The following ABCA12 variants were observed in gnomAD, a reference collection of about 807,000 sequenced individuals.
The protein encoded by ABCA12 is ATP binding cassette subfamily A member 12, also known as glucosylceramide transporter ABCA12.
A neutral mutation model predicts 293.5 loss-of-function variants in ABCA12; 156 were observed. The ratio of observed to expected loss-of-function variants is 0.53; its 90% CI spans 0.47 to 0.61. The LOEUF (loss-of-function observed/expected upper bound fraction) is 0.61. Ranked by LOEUF, ABCA12 falls within the 20% of genes least tolerant of loss-of-function variation. ABCA12 has a pLI of 0.00. For synonymous variants in ABCA12, 1,063 were observed against 1,108.0 expected (o/e 0.96, Z 0.81); for missense variants, 2,797 against 3,090.2 (o/e 0.91, Z 2.25).
chr2:215,033,528 T>C (rs1266810993), intron 8 of ABCA12, among the ~76,000 whole-genome samples: 2 of 152,214 alleles, frequency 1.3e-5, no homozygotes, highest in Non-Finnish European at 2.9e-5. Context: ...CACTAAGGAC[T>C]ATAAAGTATA....
intron 48 of ABCA12, 120 bp from the exon 49 acceptor site, chr2:214,945,224 A>T: frequency 1.2e-6 from 1 of 802,254 alleles, no homozygotes; most frequent in Non-Finnish European, 2.1e-6. Flanking sequence ...CCTGTGACTA[A>T]CTTGTTTTAT....
chr2:215,038,349 A>C (rs1701031306), intron 7 of ABCA12, among the ~76,000 whole-genome samples: 1 of 152,202 alleles, frequency 6.6e-6, no homozygotes, highest in South Asian at 2.1e-4. Flanking sequence ...GTTAATAATA[A>C]GTACAGCTGG....
In ABCA12 at chr2:214,987,760, G is replaced by A. The variant is rs1423599488; in HGVS notation, c.3863C>T (p.Pro1288Leu). ...TYGMAAPWYF[P>L]ILPSYWKERF... ...CTCCTTCCAATAGGAAGGAAGAATT[G>A]GAAAATACCAGGGAGCTGCCATACC... The change falls in exon 27 of 53, where the codon CCA (proline) becomes CTA (leucine). Residue 1288 changes from proline to leucine, a missense_variant. By Grantham distance (98) the Pro-to-Leu change is moderately conservative. Transcript: ENST00000272895. 1.2e-6 allele frequency: 2 copies of A among 1,613,666 alleles called. No homozygotes were observed. The highest frequency in any genetic ancestry group is 2.2e-5 in the East Asian group (1 of 44,854).
chr2:214,989,431 C>A lies in ABCA12; in HGVS notation c.3727G>T (p.Val1243Phe), dbSNP rs774480561. ...LQWENMYTSP[V>F]QDDTTSFGWL... ...CCAAATGAGGTGGTGTCATCCTGAA[C>A]CGGGGAGGTGTACATATTTTCCCAC... is the stretch of plus-strand genomic sequence containing the variant. Residue 1243 changes from valine (V) to phenylalanine (F), a missense_variant, in exon 26 of 53, where the codon GTT (valine) becomes TTT (phenylalanine). This residue lies in a region of ABCA12 where 2,130 missense variants were observed against 2,427.0 expected (regional missense o/e 0.88). Transcript: ENST00000272895. 6.2e-7 allele frequency: 1 copy of A among 1,613,320 alleles called. No individual in the cohort carries two copies. The highest frequency in any genetic ancestry group is 1.1e-5 in the South Asian group (1 of 91,050).
chr2:214,977,447 C>A (rs1645649011), intron 33 of ABCA12, among the ~76,000 whole-genome samples: 2 of 152,276 alleles, frequency 1.3e-5, no homozygotes, highest in East Asian at 1.9e-4. Context: ...CAGAGATTAT[C>A]TTTCCTGACT....
intron 1 of ABCA12, among the ~76,000 whole-genome samples, chr2:215,111,918 T>A (rs891315017): frequency 6.6e-6 from 1 of 152,160 alleles, no homozygotes; most frequent in African/African-American, 2.4e-5. Context: ...GAAATAACCT[T>A]CTGAAGATTT....
Position 214,945,113 on chromosome 2 carries a change from A to G in ABCA12, c.7240-9T>C. 1 of 1,608,804 alleles carries G rather than the reference A, an allele frequency of 6.2e-7. No individual in the cohort carries two copies. The highest frequency in any genetic ancestry group is 8.5e-7 in the Non-Finnish European group (1 of 1,176,150). On this transcript the variant is annotated splice_polypyrimidine_tract_variant and intron_variant, in intron 48 of 52. Transcript: ENST00000272895. ...CCAGAGCTCGGCTCATCCTTAATAG[A>G]AAGTTACAACAAAAATTTATCAAAT...
intron 2 of ABCA12, among the ~76,000 whole-genome samples, chr2:215,107,594 T>C (rs1273096308): frequency 6.6e-6 from 1 of 152,224 alleles, no homozygotes; most frequent in Non-Finnish European, 1.5e-5. Context: ...CTATGTTATC[T>C]GGACCAGCAC....
Position 214,956,701 on chromosome 2 carries a change from G to GT in ABCA12, c.6194dup (p.Asn2065LysfsTer30), listed in dbSNP as rs1428824464. The stretch of plus-strand genomic sequence containing the variant: ...GTAGGAGAGATACAGCGCCTAGGTT[G>GT]TTTTCACTGTAGAATGCAGGTAATT... On this transcript the variant is annotated frameshift_variant, in exon 42 of 53. Coordinates refer to ENST00000272895, the MANE Select transcript of ABCA12 (RefSeq NM_173076.3). LOFTEE classifies it high-confidence loss of function. 1.9e-6 allele frequency: 3 copies of GT among 1,613,294 alleles called. No individual in the cohort carries two copies. The highest frequency in any genetic ancestry group is 2.7e-5 in the African/African-American group (2 of 74,798).
In ABCA12 at chr2:215,111,526, TAAAGTGGTACCA is replaced by T. The variant is rs1702569736; in HGVS notation, c.163+59_163+70del. ...AAAAAAAATTTTTGAAATGAAACACTAAAGTGGTACCAAAATAAATTTTAACTAGAATCCAAA... is the reference window on the plus strand; with the variant it reads ...AAAAAAAATTTTTGAAATGAAACACTAAATAAATTTTAACTAGAATCCAAA... On this transcript the variant is annotated intron_variant, in intron 2 of 52. Coordinates refer to ENST00000272895, the MANE Select transcript of ABCA12 (RefSeq NM_173076.3). 15 of 1,295,866 alleles carry T rather than the reference TAAAGTGGTACCA, an allele frequency of 1.2e-5. No homozygotes were observed. In the East Asian group the frequency reaches 3.3e-4, roughly 28 times the overall value. The allele number at this position is 1,295,866 out of a possible 1,614,324, so 80.3% of individuals were successfully genotyped here.
chr2:215,097,198 T>C (rs1474329), intron 2 of ABCA12, among the ~76,000 whole-genome samples: 121,856 of 152,042 alleles, frequency 0.8, 50,326 homozygotes, highest in Non-Finnish European at 0.92. Context: ...ATTCTCTTCC[T>C]TTCCTTACAA....
chr2:215,025,577 C>T (rs1213259301), intron 11 of ABCA12, 96 bp downstream of exon 11: 1 of 817,990 alleles, frequency 1.2e-6, no homozygotes, highest in Non-Finnish European at 1.9e-6. Context: ...TGTATCTTGC[C>T]AAATATTATG....
At chr2:214,991,136 G>T in intron 23 of ABCA12, 105 bp from the exon 24 acceptor site, 1 of 1,005,702 alleles carries the variant, frequency 9.9e-7, no homozygotes, top group Non-Finnish European at 1.5e-6. Context: ...TCTGTATATG[G>T]AACTAGGCAT....
chr2:214,965,358 G>T lies in ABCA12; in HGVS notation c.5884+1490C>A, dbSNP rs182711599. Among the ~76,000 whole-genome samples, 105 of 152,216 alleles carry T rather than the reference G, an allele frequency of 6.9e-4. 1 individual carries two copies. Among genetic ancestry groups the T allele is most frequent in the African/African-American group, 2.3e-3 (95 of 41,542 alleles). Reference sequence around the variant, plus strand: ...TGAAAATGCCAAAAACAAAGCAATTGCAACAAAAGCAAAAATTGACAAATG... The same window carrying T: ...TGAAAATGCCAAAAACAAAGCAATTTCAACAAAAGCAAAAATTGACAAATG... On this transcript the variant is annotated intron_variant, in intron 39 of 52. Transcript: ENST00000272895.
At chr2:214,953,339 A>T (rs769657190) in intron 44 of ABCA12, among the ~76,000 whole-genome samples, 1 of 152,198 alleles carries the variant, frequency 6.6e-6, no homozygotes, top group Non-Finnish European at 1.5e-5. Context: ...TACATAAGTA[A>T]GTCTGTGTAT....
intron 1 of ABCA12, among the ~76,000 whole-genome samples, chr2:215,129,993 G>A (rs1575062952): frequency 6.6e-6 from 1 of 152,124 alleles, no homozygotes; most frequent in African/African-American, 2.4e-5. Flanking sequence ...TGTCCTTTCT[G>A]CATTGTTATT....
intron 2 of ABCA12, among the ~76,000 whole-genome samples, chr2:215,098,117 G>A (rs1482666355): frequency 2.6e-5 from 4 of 151,920 alleles, no homozygotes; most frequent in African/African-American, 7.3e-5. Context: ...TGTGTAGAGA[G>A]GTGTATGAGA....
chr2:214,980,074 A>G (rs1302091625), intron 31 of ABCA12, among the ~76,000 whole-genome samples: 20 of 152,156 alleles, frequency 1.3e-4, no homozygotes, highest in Non-Finnish European at 4.4e-5. Context: ...GCTTTTGATA[A>G]AGCAGAAAAT....
At chr2:215,091,360 C>G (rs539280008) in intron 2 of ABCA12, among the ~76,000 whole-genome samples, 1 of 152,272 alleles carries the variant, frequency 6.6e-6, no homozygotes, top group South Asian at 2.1e-4. Context: ...AACTAGCCCT[C>G]CCCAACCTGC....
Sources: allele counts gnomAD v4.1 joint callset (sites outside exome capture counted in the v4.1 genomes callset), GRCh38; gene constraint gnomAD v4.1.1; regional missense constraint gnomAD v4.1.1; transcripts MANE v1.5; gene names NCBI Gene and HGNC (gene_info 2026-07-23, HGNC 2026-07-21).